ERBB4: variants seen among roughly 807,000 people sequenced by gnomAD.
The protein encoded by ERBB4 is erb-b2 receptor tyrosine kinase 4.
In ERBB4, 42 loss-of-function variants were observed where a neutral mutation model predicts 158.0. The observed-to-expected ratio is 0.27, with a 90% CI of 0.21 to 0.34. ERBB4 has a LOEUF of 0.34. ERBB4 is among the 10% of genes least tolerant of loss of function. ERBB4 has a pLI of 1.00. For missense variants in ERBB4, 1,333 were observed against 1,624.1 expected (o/e 0.82, Z 3.08); for synonymous variants, 583 against 558.7 (o/e 1.04, Z -0.61).
chr2:211,421,373 A>G (rs1003324747), intron 24 of ERBB4, among the ~76,000 whole-genome samples: 2 of 151,858 alleles, frequency 1.3e-5, no homozygotes, highest in African/African-American at 4.8e-5. Context: ...TCCAAGGCCC[A>G]TTTGTTTAGA....
chr2:211,644,521 A>C (rs2070716154), intron 16 of ERBB4, among the ~76,000 whole-genome samples: 1 of 152,016 alleles, frequency 6.6e-6, no homozygotes, highest in Non-Finnish European at 1.5e-5. Flanking sequence ...ACAACTTTAT[A>C]CTTTGCCTGA....
chr2:211,952,857 G>A (rs906670912), intron 2 of ERBB4, among the ~76,000 whole-genome samples: 3 of 151,858 alleles, frequency 2.0e-5, no homozygotes, highest in Non-Finnish European at 4.4e-5. Flanking sequence ...CAGATGAACT[G>A]CCTGCAGACA....
intron 20 of ERBB4, among the ~76,000 whole-genome samples, chr2:211,541,115 G>A (rs2066798061): frequency 6.6e-6 from 1 of 151,762 alleles, no homozygotes; most frequent in African/African-American, 2.4e-5. Flanking sequence ...GTACAATGTG[G>A]TCTTTATTTT....
intron 1 of ERBB4, among the ~76,000 whole-genome samples, chr2:212,372,795 T>C (rs955198937): frequency 6.6e-6 from 1 of 152,086 alleles, no homozygotes; most frequent in African/African-American, 2.4e-5. Context: ...ACCACATCTT[T>C]TGAGCTATGT....
chr2:211,716,134 G>A (rs535349619), intron 7 of ERBB4, among the ~76,000 whole-genome samples: 57 of 151,882 alleles, frequency 3.8e-4, no homozygotes, highest in African/African-American at 1.3e-3. Context: ...AGGCCGAGGC[G>A]GGTGGATCAC....
At chr2:211,591,520 CATCCA>C (rs1574821506) in intron 19 of ERBB4, among the ~76,000 whole-genome samples, 1 of 152,206 alleles carries the variant, frequency 6.6e-6, no homozygotes, top group Non-Finnish European at 1.5e-5. Context: ...AAGTCATACT[CATCCA>C]CTGCGACCTA....
At chr2:212,236,258 T>A (rs1213833332) in intron 1 of ERBB4, among the ~76,000 whole-genome samples, 4 of 152,212 alleles carry the variant, frequency 2.6e-5, no homozygotes, top group African/African-American at 9.6e-5. Flanking sequence ...GTTTATGTGA[T>A]GGATTATGTT....
intron 2 of ERBB4, among the ~76,000 whole-genome samples, chr2:212,077,812 A>G (rs1045715250): frequency 6.6e-6 from 1 of 152,120 alleles, no homozygotes; most frequent in East Asian, 1.9e-4. Context: ...AATACTTTAG[A>G]CCTGCCTTCT....
intron 1 of ERBB4, among the ~76,000 whole-genome samples, chr2:212,376,296 C>G (rs570309134): frequency 1.6e-4 from 25 of 152,026 alleles, no homozygotes; most frequent in Non-Finnish European, 2.8e-4. Context: ...CAATGGCTAC[C>G]AAGAGGTGGA....
chr2:211,569,835 C>G (rs1174639063), intron 19 of ERBB4, among the ~76,000 whole-genome samples: 2 of 152,124 alleles, frequency 1.3e-5, no homozygotes, highest in African/African-American at 2.4e-5. Context: ...AGTCTTAAAT[C>G]CTTAAGAAGA....
At chr2:212,076,195 T>G (rs547338243) in intron 2 of ERBB4, among the ~76,000 whole-genome samples, 1 of 151,956 alleles carries the variant, frequency 6.6e-6, no homozygotes. Flanking sequence ...ATTCAAATCA[T>G]AGTTCACATT....
chr2:212,165,496 A>C (rs371857672), intron 1 of ERBB4, among the ~76,000 whole-genome samples: 13 of 152,076 alleles, frequency 8.5e-5, no homozygotes, highest in African/African-American at 3.1e-4. Context: ...CAAATCAGGG[A>C]GATGTCATTC....
At chr2:212,035,098 A>G (rs567957723) in intron 2 of ERBB4, among the ~76,000 whole-genome samples, 3 of 152,362 alleles carry the variant, frequency 2.0e-5, no homozygotes, top group African/African-American at 2.4e-5. Context: ...ACATAAATCA[A>G]TGCAATTCTC....
intron 1 of ERBB4, among the ~76,000 whole-genome samples, chr2:212,217,617 G>A (rs541785569): frequency 1.3e-4 from 19 of 151,280 alleles, no homozygotes; most frequent in South Asian, 4.1e-4. Flanking sequence ...GAAACGGTTC[G>A]ATTTCTCACC....
At chr2:211,459,644 T>C (rs1006696786) in intron 20 of ERBB4, among the ~76,000 whole-genome samples, 1 of 152,194 alleles carries the variant, frequency 6.6e-6, no homozygotes, top group Non-Finnish European at 1.5e-5. Flanking sequence ...TCTCATTCTC[T>C]CTTTGCCTGC....
intron 2 of ERBB4, among the ~76,000 whole-genome samples, chr2:211,969,752 T>C (rs1440489402): frequency 6.6e-6 from 1 of 152,106 alleles, no homozygotes; most frequent in African/African-American, 2.4e-5. Context: ...ATTCCCATTG[T>C]CATTTTTTAC....
chr2:211,816,279 G>A (rs900025975), intron 3 of ERBB4, among the ~76,000 whole-genome samples: 1 of 152,092 alleles, frequency 6.6e-6, no homozygotes, highest in Admixed American at 6.6e-5. Flanking sequence ...GGTGGCTCAT[G>A]CCTGTAATCC....
chr2:212,304,620 C>G (rs2086741228), intron 1 of ERBB4, among the ~76,000 whole-genome samples: 1 of 151,438 alleles, frequency 6.6e-6, no homozygotes, highest in Non-Finnish European at 1.5e-5. Flanking sequence ...ATTTCTCATA[C>G]AAGACATAAA....
chr2:211,678,552 C>T (rs1459012036), intron 13 of ERBB4, among the ~76,000 whole-genome samples: 1 of 152,146 alleles, frequency 6.6e-6, no homozygotes, highest in African/African-American at 2.4e-5. Flanking sequence ...TATTTGAACT[C>T]ATAATTTCAA....
Sources: allele counts gnomAD v4.1 joint callset (sites outside exome capture counted in the v4.1 genomes callset), GRCh38; gene constraint gnomAD v4.1.1; transcripts MANE v1.5; gene names NCBI Gene and HGNC (gene_info 2026-07-23, HGNC 2026-07-21).